KCTD2: variants seen among roughly 807,000 people sequenced by gnomAD.
The protein encoded by KCTD2 is potassium channel tetramerization domain containing 2.
A neutral mutation model predicts 27.9 loss-of-function variants in KCTD2; 18 were observed. The observed-to-expected ratio is 0.64, with a 90% CI of 0.45 to 0.96. The LOEUF is 0.96. Among genes scored for constraint, KCTD2 ranks in the 40% least tolerant of loss-of-function variants. The pLI is 0.00. For synonymous variants in KCTD2, 175 were observed against 148.4 expected, an observed-to-expected ratio of 1.18 and a Z score of -1.30; for missense variants, 280 against 348.0, an observed-to-expected ratio of 0.80 and a Z score of 1.56.
rs1021022167 is a variant in KCTD2, at chr17:75,064,562, A to G, written c.*1515A>G. On this transcript the variant is annotated 3_prime_UTR_variant, in exon 6 of 6. Transcript: ENST00000322444. The stretch of plus-strand genomic sequence containing the variant: ...GAGCTTCTGACCTGACCATGCCCAG[A>G]TGGCATAACTTTTCCCTAGGACCCT... 3.9e-5 allele frequency: 6 copies of G among 152,250 alleles called. No individual in the cohort carries two copies. The highest frequency in any genetic ancestry group is 1.4e-4 in the African/African-American group (6 of 41,448). The allele number at this position is 152,250 out of a possible 1,614,324, so 9.4% of individuals were successfully genotyped here.
upstream of KCTD2, among the ~76,000 whole-genome samples, chr17:75,043,601 G>C (rs887345033): frequency 1.5e-5 from 2 of 135,058 alleles, no homozygotes; most frequent in African/African-American, 5.9e-5. Context: ...CACAGAGTGA[G>C]ACTCTGTCTC....
intron 3 of KCTD2, chr17:75,035,934 T>G (rs2040111017): frequency 2.7e-6 from 1 of 375,124 alleles, no homozygotes; most frequent in Non-Finnish European, 5.5e-6. Context: ...TAGTGGGCTC[T>G]GTCCACACTC....
rs1212743966 is a variant in KCTD2 at position 75,065,534 on chromosome 17, G to C, written c.*2487G>C. On this transcript the variant is annotated 3_prime_UTR_variant, in exon 6 of 6. Transcript: ENST00000322444. ...CGCAGGTGATGCCAGCCAGGCCCAG[G>C]AGTGCCCAGCATCCCCCAACTGATG... is the stretch of plus-strand genomic sequence containing the variant. 6.6e-6 allele frequency: 1 copy of C among 152,418 alleles called. No individual in the cohort carries two copies. Among genetic ancestry groups the C allele is most frequent in the Non-Finnish European group, 1.5e-5 (1 of 68,220 alleles). 9.4% of individuals were successfully genotyped at this position (152,418 alleles called of 1,614,324 possible).
intron 1 of KCTD2, 45 bp downstream of exon 1, chr17:75,047,634 G>C: frequency 6.4e-7 from 1 of 1,567,878 alleles, no homozygotes; most frequent in Non-Finnish European, 8.6e-7. Flanking sequence ...CGAACCCCCT[G>C]GTTTCTCGTA....
intron 3 of KCTD2, among the ~76,000 whole-genome samples, chr17:75,037,345 G>GA (rs56310455): frequency 0.16 from 13,648 of 84,534 alleles, 1,281 homozygotes; most frequent in African/African-American, 0.29. Flanking sequence ...TTCCATATCA[G>GA]AAAAAAAAAA....
chr17:75,059,858 T>C (rs1471102733), intron 4 of KCTD2, among the ~76,000 whole-genome samples: 1 of 152,232 alleles, frequency 6.6e-6, no homozygotes, highest in East Asian at 1.9e-4. Context: ...ACGAGCAGTT[T>C]AGGCTTGAAG....
chr17:75,056,930 T>A (rs1306295632), intron 3 of KCTD2, among the ~76,000 whole-genome samples: 1 of 150,130 alleles, frequency 6.7e-6, no homozygotes, highest in Non-Finnish European at 1.5e-5. Context: ...TACTTTCCTC[T>A]GTTTCTTTTT....
intron 3 of KCTD2, among the ~76,000 whole-genome samples, chr17:75,058,036 A>G (rs2073366840): frequency 6.6e-6 from 1 of 152,066 alleles, no homozygotes; most frequent in South Asian, 2.1e-4. Flanking sequence ...AAAATCCAAA[A>G]AAATTGGCTG....
At chr17:75,038,601 A>G (rs748566338) in intron 3 of KCTD2, among the ~76,000 whole-genome samples, 12 of 152,248 alleles carry the variant, frequency 7.9e-5, no homozygotes, top group Non-Finnish European at 1.5e-5. Flanking sequence ...GAAACCAAAG[A>G]GGAAGTTGAA....
At chr17:75,034,604 A>G (rs1567985039) in intron 2 of KCTD2, among the ~76,000 whole-genome samples, 1 of 152,184 alleles carries the variant, frequency 6.6e-6, no homozygotes, top group Non-Finnish European at 1.5e-5. Context: ...CTGAGAAGCC[A>G]TGGGGACGAC....
chr17:75,043,789 A>C (rs2073184624), upstream of KCTD2, among the ~76,000 whole-genome samples: 1 of 152,204 alleles, frequency 6.6e-6, no homozygotes, highest in Non-Finnish European at 1.5e-5. Flanking sequence ...AGTTTCAACA[A>C]GCCTTAAATA....
chr17:75,048,475 CTCT>C (rs2073251502), intron 1 of KCTD2, among the ~76,000 whole-genome samples: 1 of 152,178 alleles, frequency 6.6e-6, no homozygotes, highest in East Asian at 1.9e-4. Context: ...TCGTTTATTC[CTCT>C]TCTCTAAGAA....
At chr17:75,051,042 C>G (rs1006642388) in intron 2 of KCTD2, among the ~76,000 whole-genome samples, 1 of 149,938 alleles carries the variant, frequency 6.7e-6, no homozygotes, top group Non-Finnish European at 1.5e-5. Context: ...GGCGCAATCT[C>G]GGCTCACTGC....
chr17:75,058,824 G>A (rs12150430), intron 3 of KCTD2, among the ~76,000 whole-genome samples: 37,359 of 150,654 alleles, frequency 0.25, 5,683 homozygotes, highest in Admixed American at 0.38. Context: ...TAGGCCGGGC[G>A]CGGTGGCTCA....
At chr17:75,034,687 G>GGACCAGGAGCCCGCGGT (rs1293424408) in intron 2 of KCTD2, among the ~76,000 whole-genome samples, 1 of 152,142 alleles carries the variant, frequency 6.6e-6, no homozygotes, top group Non-Finnish European at 1.5e-5. Flanking sequence ...CGACGCGCGG[G>GGACCAGGAGCCCGCGGT]GACCAGGAGC....
upstream of KCTD2, among the ~76,000 whole-genome samples, chr17:75,042,937 G>A (rs1199942422): frequency 2.6e-5 from 4 of 151,860 alleles, no homozygotes; most frequent in African/African-American, 4.8e-5. Flanking sequence ...TTCAAGGTGT[G>A]CGGCCAGGCG....
rs563298064 is a variant in KCTD2 at position 75,037,146 on chromosome 17, C to T, written c.-259+1789C>T. 7.2e-5 allele frequency among the ~76,000 whole-genome samples: 11 copies of T among 152,116 alleles called. No individual in the cohort carries two copies. The South Asian group carries it at 2.1e-3, about 29-fold the overall frequency. On this transcript the variant is annotated intron_variant, in intron 3 of 7. Transcript: ENST00000581589. ...GATCACGAGGTCAGGAGATCGAGAC[C>T]GTCCTGCCTAACACGATGAAACCCC...
chr17:75,062,697 C>CCCT (rs1183836425), intron 5 of KCTD2, among the ~76,000 whole-genome samples: 1 of 137,568 alleles, frequency 7.3e-6, no homozygotes, highest in African/African-American at 2.9e-5. Context: ...CCCCTCACCC[C>CCCT]CAACACACAC....
At chr17:75,052,244 A>G (rs2073295381) in intron 2 of KCTD2, among the ~76,000 whole-genome samples, 1 of 151,888 alleles carries the variant, frequency 6.6e-6, no homozygotes, top group South Asian at 2.1e-4. Context: ...GAAAATAGCA[A>G]AGAGATATTT....
Sources: gnomAD v4.1 joint callset for allele counts (sites outside exome capture counted in the v4.1 genomes callset) on GRCh38, gnomAD v4.1.1 for gene constraint, MANE v1.5 for transcripts, NCBI Gene and HGNC (gene_info 2026-07-23, HGNC 2026-07-21) for gene names.